Variants in TNR observed in about 807,000 individuals in gnomAD.
The protein encoded by TNR is tenascin-R.
TNR carries 45 observed loss-of-function variants against 150.4 expected under a neutral mutation model. The observed-to-expected ratio is 0.30, with a 90% CI of 0.24 to 0.38. The LOEUF is 0.38. Ranked by LOEUF, TNR falls within the 10% of genes least tolerant of loss-of-function variation. The probability of loss-of-function intolerance (pLI) is 1.00; values close to 1 mark genes in which losing one functional copy is unlikely to be tolerated. For synonymous variants in TNR, 687 were observed against 678.4 expected (o/e 1.01, Z -0.20); for missense variants, 1,544 against 1,759.1 (o/e 0.88, Z 2.19).
chr1:175,456,599 C>A (rs534069622), intron 2 of TNR, among the ~76,000 whole-genome samples: 1 of 149,866 alleles, frequency 6.7e-6, no homozygotes, highest in South Asian at 2.1e-4. Flanking sequence ...GCAGTTCAGC[C>A]TAAGTGTACT....
At chr1:175,678,818 T>A (rs80082189) in intron 1 of TNR, among the ~76,000 whole-genome samples, 1 of 152,216 alleles carries the variant, frequency 6.6e-6, no homozygotes, top group Non-Finnish European at 1.5e-5. Context: ...CTGGGGCCTG[T>A]GGCCCTGCCC....
intron 1 of TNR, among the ~76,000 whole-genome samples, chr1:175,710,136 T>C (rs1019396023): frequency 8.5e-5 from 13 of 152,186 alleles, no homozygotes; most frequent in Admixed American, 6.5e-4. Context: ...GATTGGAGCA[T>C]GACAAGAGGA....
At chr1:175,687,062 T>C (rs140759655) in intron 1 of TNR, among the ~76,000 whole-genome samples, 3 of 152,160 alleles carry the variant, frequency 2.0e-5, no homozygotes, top group Non-Finnish European at 1.5e-5. Context: ...AGGAAAGACT[T>C]GGGAGCACAG....
intron 15 of TNR, 22 bp from the exon 16 acceptor site, chr1:175,356,484 T>A: frequency 6.2e-7 from 1 of 1,613,296 alleles, no homozygotes; most frequent in South Asian, 1.1e-5. Context: ...TGAATATGAA[T>A]AAGGGTTGAA....
intron 2 of TNR, among the ~76,000 whole-genome samples, chr1:175,496,017 G>C (rs1002213060): frequency 6.6e-6 from 1 of 152,134 alleles, no homozygotes; most frequent in Non-Finnish European, 1.5e-5. Context: ...CATCCTGCTG[G>C]CTGATGTTTA....
At chr1:175,728,283 C>T (rs1203627302) in intron 1 of TNR, among the ~76,000 whole-genome samples, 2 of 152,152 alleles carry the variant, frequency 1.3e-5, no homozygotes, top group African/African-American at 2.4e-5. Flanking sequence ...ATACTAGAGC[C>T]AGAAGGAAAA....
At chr1:175,520,279 C>T (rs1659581366) in intron 2 of TNR, among the ~76,000 whole-genome samples, 1 of 152,136 alleles carries the variant, frequency 6.6e-6, no homozygotes, top group Non-Finnish European at 1.5e-5. Flanking sequence ...CTGGCAGAAT[C>T]CTTACATTAC....
At chr1:175,535,427 T>TTTTA (rs762126408) in intron 1 of TNR, among the ~76,000 whole-genome samples, 1 of 149,360 alleles carries the variant, frequency 6.7e-6, no homozygotes, top group African/African-American at 2.5e-5. Flanking sequence ...TGTATTTCTT[T>TTTTA]TTTATTTATT....
intron 1 of TNR, among the ~76,000 whole-genome samples, chr1:175,670,615 G>C (rs990474925): frequency 6.6e-6 from 1 of 152,140 alleles, no homozygotes; most frequent in Non-Finnish European, 1.5e-5. Flanking sequence ...GGCCCAGGTC[G>C]CTGGGGACAA....
chr1:175,717,843 C>T (rs1011220051), intron 1 of TNR, among the ~76,000 whole-genome samples: 15 of 152,104 alleles, frequency 9.9e-5, no homozygotes, highest in Admixed American at 4.6e-4. Flanking sequence ...CATGGGTGAG[C>T]GCACATGCAC....
At chr1:175,402,813 A>C (rs987908008) in intron 4 of TNR, among the ~76,000 whole-genome samples, 12 of 152,068 alleles carry the variant, frequency 7.9e-5, no homozygotes, top group African/African-American at 2.9e-4. Flanking sequence ...TGGTCCCATG[A>C]CTTCACTGTC....
intron 1 of TNR, among the ~76,000 whole-genome samples, chr1:175,704,403 T>A (rs555926223): frequency 6.6e-6 from 1 of 152,316 alleles, no homozygotes; most frequent in Admixed American, 6.5e-5. Context: ...TGGACAGAGC[T>A]TGGAGAAAGA....
chr1:175,705,321 T>C (rs1290677513), intron 1 of TNR, among the ~76,000 whole-genome samples: 1 of 152,116 alleles, frequency 6.6e-6, no homozygotes, highest in South Asian at 2.1e-4. Context: ...TATGCTGAAT[T>C]GAATTTTAGT....
In TNR at chr1:175,599,217, GT is replaced by G. The variant is rs1663129338; in HGVS notation, c.-164-70849del. Among the ~76,000 whole-genome samples, 1 of 152,204 alleles carries G rather than the reference GT, an allele frequency of 6.6e-6. No individual in the cohort carries two copies. Among genetic ancestry groups the G allele is most frequent in the Admixed American group, 6.5e-5 (1 of 15,284 alleles). On this transcript the variant is annotated intron_variant, in intron 1 of 22. Transcript: ENST00000367674. This position sits in a 1 kb window ranked among gnomAD's most constrained non-coding sequence, Gnocchi z 4.7. ...GCTGTCCCCAGCTGCCAGATGGGAA[GT>G]GTCAGCTTGGCCTTGGCCACCTCGG...
chr1:175,665,982 A>G (rs1665521844), intron 1 of TNR, among the ~76,000 whole-genome samples: 1 of 152,214 alleles, frequency 6.6e-6, no homozygotes, highest in African/African-American at 2.4e-5. Flanking sequence ...AGATCATTCC[A>G]TCCTCTTGGA....
chr1:175,491,876 C>T (rs144121428), intron 2 of TNR, among the ~76,000 whole-genome samples: 4 of 152,040 alleles, frequency 2.6e-5, no homozygotes, highest in Admixed American at 6.5e-5. Context: ...GTCTCGATCT[C>T]CTGACCTCGT....
chr1:175,482,314 A>T (rs890807194), intron 2 of TNR, among the ~76,000 whole-genome samples: 1 of 152,234 alleles, frequency 6.6e-6, no homozygotes, highest in Non-Finnish European at 1.5e-5. Context: ...AAATGAAAAC[A>T]GCTCTTCCCA....
At chr1:175,713,537 T>G (rs1029664513) in intron 1 of TNR, among the ~76,000 whole-genome samples, 2 of 152,196 alleles carry the variant, frequency 1.3e-5, no homozygotes, top group African/African-American at 4.8e-5. Context: ...CCCTATTGTC[T>G]GTCCTGACTG....
chr1:175,365,978 T>C lies in TNR; in HGVS notation c.2214A>G (p.Ser738=), dbSNP rs2102014255. The change falls in exon 11 of 23, where the codon TCA becomes TCG. Residue 738 remains serine (S), a synonymous_variant. Coordinates refer to ENST00000367674, the MANE Select transcript of TNR (RefSeq NM_003285.3). ...SEVTVPKDRT[S]YTLTDLEPGA... is the part of the protein sequence containing the mutation. ...CAGGCTCTAGATCTGTTAGTGTGTATGAGGTCCTGTCCTTGGGTACGGTGA... is the reference window on the plus strand; with the variant it reads ...CAGGCTCTAGATCTGTTAGTGTGTACGAGGTCCTGTCCTTGGGTACGGTGA... 6.2e-7 allele frequency: 1 copy of C among 1,614,140 alleles called. No individual in the cohort carries two copies. The highest frequency in any genetic ancestry group is 8.5e-7 in the Non-Finnish European group (1 of 1,180,014).
Sources: gnomAD v4.1 joint callset for allele counts (sites outside exome capture counted in the v4.1 genomes callset) on GRCh38, gnomAD v4.1.1 for gene constraint, Gnocchi (gnomAD v3.1) non-coding constraint, MANE v1.5 for transcripts, NCBI Gene and HGNC (gene_info 2026-07-23, HGNC 2026-07-21) for gene names.